Variants in ADGRG6 observed in about 807,000 individuals in gnomAD.
ADGRG6 encodes adhesion G protein-coupled receptor G6, also known as G-protein coupled receptor 126.
In ADGRG6, 84 loss-of-function variants were observed where a neutral mutation model predicts 142.4. That is an observed-to-expected ratio of 0.59 (90% CI 0.49 to 0.71). The LOEUF (loss-of-function observed/expected upper bound fraction) is 0.71. Among genes scored for constraint, ADGRG6 ranks in the 30% least tolerant of loss-of-function variants. The pLI is 0.00. For missense variants in ADGRG6, 1,367 were observed against 1,466.6 expected, an observed-to-expected ratio of 0.93 and a Z score of 1.11; for synonymous variants, 521 against 520.5, an observed-to-expected ratio of 1.00 and a Z score of -0.01.
intron 22 of ADGRG6, among the ~76,000 whole-genome samples, chr6:142,420,678 A>G (rs1420577944): frequency 2.0e-5 from 3 of 152,188 alleles, no homozygotes; most frequent in African/African-American, 4.8e-5. Context: ...CAACAATTCA[A>G]CAAACATTTG....
At chr6:142,399,056 A>G (rs1775362759) in intron 10 of ADGRG6, among the ~76,000 whole-genome samples, 1 of 152,194 alleles carries the variant, frequency 6.6e-6, no homozygotes, top group Admixed American at 6.5e-5. Flanking sequence ...ACAAATATGG[A>G]TAACAAAAAG....
chr6:142,313,861 A>T (rs1562302493), intron 2 of ADGRG6, among the ~76,000 whole-genome samples: 1 of 152,196 alleles, frequency 6.6e-6, no homozygotes. Flanking sequence ...ATGTCTAAAA[A>T]AATCCTTTTA....
rs551712128 is a variant in ADGRG6, at chr6:142,405,893, A to G, written c.2268+65A>G. 2.5e-6 allele frequency: 3 copies of G among 1,186,472 alleles called. No homozygotes were observed. In the African/African-American group the frequency reaches 4.6e-5, roughly 18 times the overall value. The allele number at this position is 1,186,472 out of a possible 1,614,324, so 73.5% of individuals were successfully genotyped here. Reference sequence around the variant, plus strand: ...TGAAGTTTCTTTGAGCAAAGAAAACAAAACTTTAGATTCTGTTGAAATATA... The same window carrying G: ...TGAAGTTTCTTTGAGCAAAGAAAACGAAACTTTAGATTCTGTTGAAATATA... On this transcript the variant is annotated intron_variant, in intron 15 of 24. Coordinates refer to ENST00000367609, the MANE Select transcript of ADGRG6 (RefSeq NM_198569.3).
chr6:142,436,760 A>G (rs1777507673), intron 22 of ADGRG6, among the ~76,000 whole-genome samples: 2 of 152,208 alleles, frequency 1.3e-5, no homozygotes, highest in South Asian at 4.1e-4. Flanking sequence ...AAAAGTTAAA[A>G]GGGATTGGCT....
intron 22 of ADGRG6, among the ~76,000 whole-genome samples, chr6:142,429,908 T>C (rs1777128553): frequency 6.6e-6 from 1 of 151,806 alleles, no homozygotes; most frequent in Non-Finnish European, 1.5e-5. Context: ...AATAGAAAAA[T>C]TAGGTGTAGT....
In ADGRG6 at chr6:142,393,993, T is replaced by G. The variant is rs762676598; in HGVS notation, c.1424+35T>G. ...CAAAGTATTGTAAAGAGTATAACAT[T>G]CTTTCTCTTGCTCACTACTTTATCT... is the stretch of plus-strand genomic sequence containing the variant. On this transcript the variant is annotated intron_variant, in intron 9 of 24. Coordinates refer to ENST00000367609, the MANE Select transcript of ADGRG6 (RefSeq NM_198569.3). 8 of 1,306,758 alleles carry G rather than the reference T, an allele frequency of 6.1e-6. No homozygotes were observed. In the South Asian group the frequency reaches 1.0e-4, roughly 17 times the overall value. 80.9% of individuals were successfully genotyped at this position (1,306,758 alleles called of 1,614,324 possible). A position where few individuals can be genotyped will look rare whatever the true frequency, so the allele number is the denominator to read the frequency against.
intron 2 of ADGRG6, among the ~76,000 whole-genome samples, chr6:142,330,414 A>G (rs562263125): frequency 6.6e-6 from 1 of 152,320 alleles, no homozygotes; most frequent in South Asian, 2.1e-4. Flanking sequence ...TGTTATTCTC[A>G]GCCAAACAAG....
intron 22 of ADGRG6, among the ~76,000 whole-genome samples, chr6:142,426,038 G>A (rs1247971823): frequency 6.6e-6 from 1 of 152,142 alleles, no homozygotes; most frequent in African/African-American, 2.4e-5. Context: ...TTCAAGATGA[G>A]ACTTGGGTGG....
At position 142,444,746 on chromosome 6, in the gene ADGRG6, T is replaced by G. The variant is rs1777901915; in HGVS notation, c.*1231T>G. 6.6e-6 allele frequency: 1 copy of G among 152,212 alleles called. No individual in the cohort carries two copies. Among genetic ancestry groups the G allele is most frequent in the Admixed American group, 6.6e-5 (1 of 15,262 alleles). The allele number at this position is 152,212 out of a possible 1,614,324, so 9.4% of individuals were successfully genotyped here. On this transcript the variant is annotated 3_prime_UTR_variant, in exon 25 of 25. Transcript: ENST00000367609. ...AGCTTACCTAACTCTCAGACTATTCTGAGTAATGCTTGCTTGCTAATGAAT... is the reference window on the plus strand; with the variant it reads ...AGCTTACCTAACTCTCAGACTATTCGGAGTAATGCTTGCTTGCTAATGAAT...
chr6:142,413,621 A>G (rs1056736731), intron 18 of ADGRG6, among the ~76,000 whole-genome samples: 6 of 152,296 alleles, frequency 3.9e-5, no homozygotes, highest in East Asian at 1.9e-4. Context: ...TCTCAAAACC[A>G]TGATTCATCT....
At chr6:142,382,068 A>G (rs750529765) in intron 5 of ADGRG6, 49 bp downstream of exon 5, 9 of 1,098,184 alleles carry the variant, frequency 8.2e-6, no homozygotes, top group South Asian at 2.8e-5. Context: ...TCTACTTGCA[A>G]TTTTGGGTAA....
chr6:142,426,634 C>T (rs1055819463), intron 22 of ADGRG6, among the ~76,000 whole-genome samples: 2 of 152,210 alleles, frequency 1.3e-5, no homozygotes, highest in Non-Finnish European at 2.9e-5. Flanking sequence ...CTAGATGGCA[C>T]CCCAGTAGGG....
intron 19 of ADGRG6, 92 bp from the exon 20 acceptor site, chr6:142,415,704 G>A (rs1776312774): frequency 1.3e-6 from 1 of 797,750 alleles, no homozygotes; most frequent in South Asian, 1.7e-5. Context: ...CTCATTGCAG[G>A]GTTGTATAAG....
intron 2 of ADGRG6, among the ~76,000 whole-genome samples, chr6:142,328,863 A>G (rs568732759): frequency 6.6e-6 from 1 of 152,176 alleles, no homozygotes; most frequent in Non-Finnish European, 1.5e-5. Context: ...TGAAATTGAC[A>G]TTGAGGTAAA....
chr6:142,324,873 A>G (rs1041190859), intron 2 of ADGRG6, among the ~76,000 whole-genome samples: 9 of 152,144 alleles, frequency 5.9e-5, no homozygotes, highest in African/African-American at 2.2e-4. Context: ...AAACTAAGAA[A>G]GTATAGGTAC....
At chr6:142,372,023 C>T (rs1375440602) in intron 4 of ADGRG6, among the ~76,000 whole-genome samples, 1 of 152,000 alleles carries the variant, frequency 6.6e-6, no homozygotes, top group Non-Finnish European at 1.5e-5. Context: ...TAGTTTGTTT[C>T]AAATACTGTG....
At chr6:142,323,390 T>C (rs1244581698) in intron 2 of ADGRG6, among the ~76,000 whole-genome samples, 4 of 152,104 alleles carry the variant, frequency 2.6e-5, no homozygotes, top group Admixed American at 2.6e-4. Context: ...CTTTACATCT[T>C]AAAATCTGAT....
intron 16 of ADGRG6, 22 bp downstream of exon 16, chr6:142,408,291 C>A: frequency 1.3e-6 from 2 of 1,531,012 alleles, no homozygotes; most frequent in Non-Finnish European, 1.8e-6. Flanking sequence ...CTCCCAATAG[C>A]ATTTGGACAG....
chr6:142,374,147 C>A (rs1359577644), intron 4 of ADGRG6, among the ~76,000 whole-genome samples: 2 of 152,054 alleles, frequency 1.3e-5, no homozygotes, highest in Non-Finnish European at 2.9e-5. Flanking sequence ...TGTTTACAGT[C>A]TAGCCCTTTA....
Sources: allele counts gnomAD v4.1 joint callset (sites outside exome capture counted in the v4.1 genomes callset), GRCh38; gene constraint gnomAD v4.1.1; transcripts MANE v1.5; gene names NCBI Gene and HGNC (gene_info 2026-07-23, HGNC 2026-07-21).